SCGB2B2: variants seen among roughly 807,000 people sequenced by gnomAD.
SCGB2B2 encodes the protein secretoglobin family 2B member 2, also known as secretoglobin-like protein.
In SCGB2B2, 11 loss-of-function variants were observed where a neutral mutation model predicts 7.6. That is an observed-to-expected ratio of 1.45 (90% CI 0.91 to 2.40). The LOEUF is 2.40. Ranked by LOEUF, SCGB2B2 falls within the 30% of genes most tolerant of loss-of-function variation. SCGB2B2 has a pLI of 0.00. For synonymous variants in SCGB2B2, 50 were observed against 48.6 expected, an observed-to-expected ratio of 1.03 and a Z score of -0.12; for missense variants, 104 against 115.4, an observed-to-expected ratio of 0.90 and a Z score of 0.45.
At chr19:34,636,150 A>G (rs907187946) in intron 1 of SCGB2B2, among the ~76,000 whole-genome samples, 1 of 152,198 alleles carries the variant, frequency 6.6e-6, no homozygotes, top group African/African-American at 2.4e-5. Flanking sequence ...GAAATATTGA[A>G]GTATACATAC....
At chr19:34,660,760 G>A (rs1026928856) in intron 1 of SCGB2B2, among the ~76,000 whole-genome samples, 3 of 152,100 alleles carry the variant, frequency 2.0e-5, no homozygotes, top group Non-Finnish European at 2.9e-5. Flanking sequence ...TTGACCCAGC[G>A]ATCCCTTTAC....
intron 1 of SCGB2B2, among the ~76,000 whole-genome samples, chr19:34,653,128 C>A (rs1009593687): frequency 6.6e-6 from 1 of 151,216 alleles, no homozygotes; most frequent in African/African-American, 2.5e-5. Context: ...CCTATGTGTT[C>A]TCACTCACAT....
chr19:34,643,956 A>C (rs2066918087), intron 1 of SCGB2B2, among the ~76,000 whole-genome samples: 1 of 152,250 alleles, frequency 6.6e-6, no homozygotes, highest in African/African-American at 2.4e-5. Flanking sequence ...AAAAGGCTGT[A>C]CAAGAAGGTA....
intron 1 of SCGB2B2, among the ~76,000 whole-genome samples, chr19:34,612,754 T>C (rs921654326): frequency 3.3e-5 from 5 of 152,198 alleles, no homozygotes; most frequent in South Asian, 2.1e-4. Context: ...GAGTGGGGTG[T>C]TGAAGCTCCC....
At chr19:34,609,194 G>GT (rs2065864839) in intron 1 of SCGB2B2, among the ~76,000 whole-genome samples, 1 of 151,982 alleles carries the variant, frequency 6.6e-6, no homozygotes, top group Admixed American at 6.6e-5. Flanking sequence ...ATGTTGAGCT[G>GT]TTTGAGTTCC....
At chr19:34,614,349 ATATT>A (rs1712685463) in intron 1 of SCGB2B2, among the ~76,000 whole-genome samples, 1 of 151,968 alleles carries the variant, frequency 6.6e-6, no homozygotes, top group African/African-American at 2.4e-5. Flanking sequence ...TAAGTGACCT[ATATT>A]TAAGTTCAGA....
downstream of SCGB2B2, among the ~76,000 whole-genome samples, chr19:34,586,806 C>T (rs908301703): frequency 3.3e-5 from 5 of 152,204 alleles, no homozygotes; most frequent in Non-Finnish European, 5.9e-5. Context: ...TTCTCCTTGT[C>T]CTCAATTCTG....
chr19:34,639,045 T>G (rs1468641917), intron 1 of SCGB2B2, among the ~76,000 whole-genome samples: 2 of 152,178 alleles, frequency 1.3e-5, no homozygotes, highest in East Asian at 1.9e-4. Context: ...AAGACTTACC[T>G]CCATCCTGAA....
At chr19:34,655,312 A>G (rs537219695) in intron 1 of SCGB2B2, among the ~76,000 whole-genome samples, 1 of 148,950 alleles carries the variant, frequency 6.7e-6, no homozygotes, top group South Asian at 2.1e-4. Flanking sequence ...ACATTTACAA[A>G]TCTATTCGTT....
chr19:34,600,552 C>G (rs750060941), intron 1 of SCGB2B2, among the ~76,000 whole-genome samples: 1 of 152,202 alleles, frequency 6.6e-6, no homozygotes, highest in African/African-American at 2.4e-5. Context: ...AATCTGGTAT[C>G]GTCAGTGTTG....
chr19:34,649,895 C>A (rs1186416896), intron 1 of SCGB2B2, among the ~76,000 whole-genome samples: 1 of 151,206 alleles, frequency 6.6e-6, no homozygotes, highest in Non-Finnish European at 1.5e-5. Context: ...TTCTTTTTGT[C>A]TCTGATCTCT....
rs1446339793 is a variant in SCGB2B2 at position 34,631,127 on chromosome 19, G to C, written c.-2031-34533C>G. Among the ~76,000 whole-genome samples the C allele has an allele frequency of 1.8e-4, 22 of 119,634 alleles. 1 individual carries two copies. In the East Asian group the frequency reaches 6.7e-3, roughly 36 times the overall value. 78.5% of individuals were successfully genotyped at this position (119,634 alleles called of 152,430 possible). ...CGGGGCCTGTTGTGGGGTGGGGGGA[G>C]GGGGGAGGGATGGCATTAGTAGATA... On this transcript the variant is annotated intron_variant, in intron 1 of 3. Coordinates refer to ENST00000601241, the MANE Select transcript of SCGB2B2 (RefSeq NM_001025591.4).
intron 1 of SCGB2B2, among the ~76,000 whole-genome samples, chr19:34,657,743 G>A (rs1485683525): frequency 1.3e-5 from 2 of 150,950 alleles, no homozygotes; most frequent in Admixed American, 1.3e-4. Flanking sequence ...GCACCAAGCG[G>A]ACCTAATAGA....
intron 1 of SCGB2B2, among the ~76,000 whole-genome samples, chr19:34,609,246 T>G (rs919260155): frequency 2.0e-5 from 3 of 152,180 alleles, no homozygotes; most frequent in African/African-American, 7.2e-5. Flanking sequence ...ATGAATAGTT[T>G]GCTAATATTC....
At chr19:34,666,773 C>T (rs1315855552) in intron 1 of SCGB2B2, among the ~76,000 whole-genome samples, 1 of 152,172 alleles carries the variant, frequency 6.6e-6, no homozygotes, top group East Asian at 1.9e-4. Context: ...GCTGGGCCTC[C>T]TGCTGCTGCT....
At chr19:34,612,396 G>C (rs1388984989) in intron 1 of SCGB2B2, among the ~76,000 whole-genome samples, 1 of 152,116 alleles carries the variant, frequency 6.6e-6, no homozygotes, top group African/African-American at 2.4e-5. Flanking sequence ...ATAGATACTT[G>C]ATATGATATT....
intron 1 of SCGB2B2, chr19:34,638,342 C>G (rs1459669132): frequency 6.6e-6 from 1 of 151,986 alleles, no homozygotes. Context: ...ACTCTGGAGG[C>G]TGAAGCAGGA....
chr19:34,630,793 T>G (rs2066507603), intron 1 of SCGB2B2, among the ~76,000 whole-genome samples: 1 of 152,132 alleles, frequency 6.6e-6, no homozygotes, highest in Non-Finnish European at 1.5e-5. Flanking sequence ...TAAATCATGC[T>G]GCTATAAAGA....
chr19:34,642,181 T>C (rs967028549), intron 1 of SCGB2B2, among the ~76,000 whole-genome samples: 13 of 152,194 alleles, frequency 8.5e-5, no homozygotes, highest in Non-Finnish European at 1.9e-4. Flanking sequence ...ATCAGTTCTG[T>C]CTCAAAGGAT....
Sources: gnomAD v4.1 joint callset for allele counts (sites outside exome capture counted in the v4.1 genomes callset) on GRCh38, gnomAD v4.1.1 for gene constraint, MANE v1.5 for transcripts, NCBI Gene and HGNC (gene_info 2026-07-23, HGNC 2026-07-21) for gene names.